Variants in PTPRD observed in about 807,000 individuals in gnomAD.
The protein encoded by PTPRD is protein tyrosine phosphatase receptor type D, also known as receptor-type tyrosine-protein phosphatase delta.
In PTPRD, 34 loss-of-function variants were observed where a neutral mutation model predicts 214.5. That is an observed-to-expected ratio of 0.16 (90% confidence interval 0.12 to 0.21). The LOEUF is 0.21. Among genes scored for constraint, PTPRD ranks in the 10% least tolerant of loss-of-function variants. The pLI is 1.00. For synonymous variants in PTPRD, 1,128 were observed against 845.7 expected, an observed-to-expected ratio of 1.33 and a Z score of -5.79; for missense variants, 2,545 against 2,398.7, an observed-to-expected ratio of 1.06 and a Z score of -1.27.
intron 10 of PTPRD, among the ~76,000 whole-genome samples, chr9:9,119,430 TA>T (rs1364746959): frequency 6.6e-6 from 1 of 152,142 alleles, no homozygotes. Flanking sequence ...TGGACAAAAT[TA>T]AAGAGATTCA....
intron 9 of PTPRD, among the ~76,000 whole-genome samples, chr9:9,256,229 C>T (rs1198156446): frequency 6.6e-6 from 1 of 151,878 alleles, no homozygotes; most frequent in Non-Finnish European, 1.5e-5. Context: ...ACATTGCTGG[C>T]CTTTGAAATT....
intron 10 of PTPRD, among the ~76,000 whole-genome samples, chr9:9,152,277 G>A (rs754476165): frequency 5.3e-5 from 8 of 152,270 alleles, no homozygotes; most frequent in African/African-American, 1.4e-4. Context: ...GACATTACCC[G>A]TGACTTCAAA....
intron 14 of PTPRD, among the ~76,000 whole-genome samples, chr9:8,541,649 G>A (rs1461414793): frequency 2.6e-5 from 4 of 152,264 alleles, no homozygotes; most frequent in Admixed American, 6.5e-5. Context: ...TTACCAGCAT[G>A]CGTCACTGCG....
intron 5 of PTPRD, among the ~76,000 whole-genome samples, chr9:9,803,314 T>G (rs1163249401): frequency 6.7e-6 from 1 of 150,256 alleles, no homozygotes; most frequent in Non-Finnish European, 1.5e-5. Flanking sequence ...TAGTAAAAAA[T>G]GTCAAACTCT....
chr9:9,304,239 T>C (rs553393158), intron 9 of PTPRD, among the ~76,000 whole-genome samples: 3 of 152,220 alleles, frequency 2.0e-5, no homozygotes, highest in Non-Finnish European at 2.9e-5. Context: ...ATGATTGTTA[T>C]GGGAAAAAGA....
intron 8 of PTPRD, among the ~76,000 whole-genome samples, chr9:9,478,089 C>G (rs1415419848): frequency 6.6e-6 from 1 of 151,986 alleles, no homozygotes; most frequent in Non-Finnish European, 1.5e-5. Flanking sequence ...TTGATTGTCT[C>G]AAATAATTTA....
At chr9:9,472,562 G>A (rs907253899) in intron 8 of PTPRD, among the ~76,000 whole-genome samples, 3 of 152,110 alleles carry the variant, frequency 2.0e-5, no homozygotes, top group African/African-American at 4.8e-5. Flanking sequence ...AACGTAAGCT[G>A]TTCAGTTTGC....
At chr9:8,329,931 G>A (rs909818118) in intron 44 of PTPRD, among the ~76,000 whole-genome samples, 1 of 54,792 alleles carries the variant, frequency 1.8e-5, no homozygotes, top group Non-Finnish European at 2.7e-5. Flanking sequence ...TCAAGCCAGT[G>A]GATCGTATCT....
chr9:8,570,828 G>C (rs1270242076), intron 14 of PTPRD, among the ~76,000 whole-genome samples: 1 of 151,868 alleles, frequency 6.6e-6, no homozygotes, highest in East Asian at 1.9e-4. Flanking sequence ...GGCATAAAAA[G>C]CACATATATT....
intron 10 of PTPRD, among the ~76,000 whole-genome samples, chr9:9,087,121 C>G (rs1383567016): frequency 2.0e-5 from 3 of 151,918 alleles, no homozygotes; most frequent in African/African-American, 7.3e-5. Flanking sequence ...TTTTTTTTCT[C>G]TCTTGGATTT....
intron 9 of PTPRD, among the ~76,000 whole-genome samples, chr9:9,379,726 T>A (rs1483038079): frequency 6.6e-6 from 1 of 152,020 alleles, no homozygotes; most frequent in Non-Finnish European, 1.5e-5. Flanking sequence ...AGTTTTGTAG[T>A]TTTCCTCATA....
chr9:9,201,609 T>C lies in PTPRD; in HGVS notation c.-202-18246A>G, dbSNP rs138465108. 1.6e-4 allele frequency among the ~76,000 whole-genome samples: 25 copies of C among 152,310 alleles called. No individual in the cohort carries two copies. The East Asian group carries it at 1.7e-3, about 11-fold the overall frequency. On this transcript the variant is annotated intron_variant, in intron 9 of 45. Coordinates refer to ENST00000381196, the MANE Select transcript of PTPRD (RefSeq NM_002839.4). ...ACAGGGTTAGGATCAGGCTCAAACA[T>C]TGAACTTTTCTAAGCCACTTAAGTT...
chr9:10,558,004 C>A lies in PTPRD; in HGVS notation c.-600+54394G>T, dbSNP rs185548637. Among the ~76,000 whole-genome samples the A allele has an allele frequency of 7.9e-5, 12 of 152,242 alleles. No homozygotes were observed. The East Asian group carries it at 2.3e-3, about 29-fold the overall frequency. On this transcript the variant is annotated intron_variant, in intron 2 of 45. Coordinates refer to ENST00000381196, the MANE Select transcript of PTPRD (RefSeq NM_002839.4). ...TGGAATCTTGTTGAAATTCTTAATA[C>A]TACTGGAACAAATGGCCCCTGCATT...
At chr9:9,694,357 A>T (rs1429015099) in intron 7 of PTPRD, among the ~76,000 whole-genome samples, 1 of 151,838 alleles carries the variant, frequency 6.6e-6, no homozygotes, top group East Asian at 1.9e-4. Flanking sequence ...TGAATTCTCT[A>T]CATTGCTAGG....
intron 6 of PTPRD, among the ~76,000 whole-genome samples, chr9:9,744,412 C>G (rs985221546): frequency 1.3e-5 from 2 of 151,970 alleles, no homozygotes; most frequent in African/African-American, 2.4e-5. Flanking sequence ...AGTTATTTTA[C>G]TCTGCAAGAC....
intron 11 of PTPRD, among the ~76,000 whole-genome samples, chr9:8,957,160 G>C (rs1445121813): frequency 2.0e-5 from 3 of 151,760 alleles, no homozygotes; most frequent in African/African-American, 7.3e-5. Flanking sequence ...TCCTGGCTAG[G>C]TTTCATCACA....
intron 10 of PTPRD, among the ~76,000 whole-genome samples, chr9:9,161,064 T>C (rs2099887560): frequency 1.3e-5 from 2 of 152,048 alleles, no homozygotes; most frequent in Non-Finnish European, 2.9e-5. Context: ...TGGGATGGAA[T>C]GAAGTGCTGT....
intron 39 of PTPRD, among the ~76,000 whole-genome samples, chr9:8,364,488 G>A (rs2134035948): frequency 6.6e-6 from 1 of 152,284 alleles, no homozygotes. Flanking sequence ...GTAGCTGATG[G>A]GCCTCCCAAG....
chr9:9,534,533 T>A (rs1019768905), intron 8 of PTPRD, among the ~76,000 whole-genome samples: 5 of 152,122 alleles, frequency 3.3e-5, no homozygotes, highest in Non-Finnish European at 5.9e-5. Context: ...ATAAATTTTT[T>A]AAAATTATAC....
Sources: gnomAD v4.1 joint callset for allele counts (sites outside exome capture counted in the v4.1 genomes callset) on GRCh38, gnomAD v4.1.1 for gene constraint, MANE v1.5 for transcripts, NCBI Gene and HGNC (gene_info 2026-07-23, HGNC 2026-07-21) for gene names.